The following RGL1 variants were observed in gnomAD, a reference collection of about 807,000 sequenced individuals.
RGL1 encodes ral guanine nucleotide dissociation stimulator-like 1.
Under a neutral mutation model 95.2 loss-of-function variants are expected in RGL1, and 24 were observed. The observed-to-expected ratio is 0.25, with a 90% CI of 0.18 to 0.35. The LOEUF is 0.35. Among genes scored for constraint, RGL1 ranks in the 10% least tolerant of loss-of-function variants. The probability of loss-of-function intolerance (pLI) is 1.00; values close to 1 mark genes in which losing one functional copy is unlikely to be tolerated. For missense variants in RGL1, 715 were observed against 936.3 expected (o/e 0.76, Z 3.08); for synonymous variants, 329 against 344.9 (o/e 0.95, Z 0.51).
At chr1:183,849,483 G>GTTTTTTTTTTTTTTTTTT (rs1418103960) in intron 3 of RGL1, among the ~76,000 whole-genome samples, 3 of 120,852 alleles carry the variant, frequency 2.5e-5, no homozygotes, top group Non-Finnish European at 3.2e-5. Context: ...CCAGTTTTTA[G>GTTTTTTTTTTTTTTTTTT]TTTTTTTTTT....
At chr1:183,686,566 T>G (rs1352227016) in intron 1 of RGL1, among the ~76,000 whole-genome samples, 1 of 152,228 alleles carries the variant, frequency 6.6e-6, no homozygotes, top group Non-Finnish European at 1.5e-5. Flanking sequence ...CACTCTGTAG[T>G]GCTATACAGA....
chr1:183,871,522 A>G (rs1666182582), intron 4 of RGL1, among the ~76,000 whole-genome samples: 1 of 152,228 alleles, frequency 6.6e-6, no homozygotes, highest in Admixed American at 6.5e-5. Flanking sequence ...GGATTTAACC[A>G]TGAACAGAAA....
chr1:183,757,026 T>G (rs1265317727), intron 2 of RGL1, among the ~76,000 whole-genome samples: 1 of 151,888 alleles, frequency 6.6e-6, no homozygotes, highest in African/African-American at 2.4e-5. Flanking sequence ...TGTTTGTTTT[T>G]TTTTTTTTGT....
chr1:183,688,761 G>A (rs1392375323), intron 1 of RGL1, among the ~76,000 whole-genome samples: 1 of 152,042 alleles, frequency 6.6e-6, no homozygotes, highest in Non-Finnish European at 1.5e-5. Flanking sequence ...TAAGTATTCT[G>A]GAGAAAAGTC....
At chr1:183,813,087 G>A (rs1661833311) in intron 2 of RGL1, among the ~76,000 whole-genome samples, 1 of 152,182 alleles carries the variant, frequency 6.6e-6, no homozygotes, top group East Asian at 1.9e-4. Flanking sequence ...TGGAGCATGG[G>A]GACCCAGGAG....
At chr1:183,758,147 T>C (rs1658454077) in intron 2 of RGL1, among the ~76,000 whole-genome samples, 1 of 152,188 alleles carries the variant, frequency 6.6e-6, no homozygotes, top group Non-Finnish European at 1.5e-5. Context: ...TCTTAGCCAG[T>C]TGGACTGCCA....
intron 1 of RGL1, among the ~76,000 whole-genome samples, chr1:183,703,451 T>C (rs1006590156): frequency 1.8e-4 from 28 of 152,330 alleles, no homozygotes; most frequent in Admixed American, 3.3e-4. Flanking sequence ...TGAAGATTAC[T>C]GTCCCTACCA....
chr1:183,739,368 G>A (rs1335186139), intron 1 of RGL1, among the ~76,000 whole-genome samples: 1 of 152,220 alleles, frequency 6.6e-6, no homozygotes, highest in African/African-American at 2.4e-5. Flanking sequence ...CGGGAGAGTA[G>A]GATGGAGCTG....
chr1:183,845,085 A>G (rs937892950), intron 2 of RGL1, among the ~76,000 whole-genome samples: 1 of 152,220 alleles, frequency 6.6e-6, no homozygotes, highest in Admixed American at 6.5e-5. Flanking sequence ...AGTAAGCACA[A>G]TATCATCATT....
chr1:183,822,606 G>A (rs909741548), intron 2 of RGL1, among the ~76,000 whole-genome samples: 2 of 152,162 alleles, frequency 1.3e-5, no homozygotes, highest in African/African-American at 2.4e-5. Context: ...CTTTGTAGAC[G>A]AAAAGTACTA....
intron 1 of RGL1, among the ~76,000 whole-genome samples, chr1:183,649,905 G>A (rs184847120): frequency 1.8e-3 from 273 of 152,150 alleles, no homozygotes; most frequent in African/African-American, 6.0e-3. Flanking sequence ...CCAACCTTCC[G>A]GGCTCAAGTG....
chr1:183,690,563 T>C (rs1038573253), intron 1 of RGL1, among the ~76,000 whole-genome samples: 34 of 152,130 alleles, frequency 2.2e-4, no homozygotes, highest in African/African-American at 8.2e-4. Context: ...TAGCTGATTG[T>C]CAAAAGAGAT....
At chr1:183,826,835 C>G (rs1662897451) in intron 2 of RGL1, among the ~76,000 whole-genome samples, 1 of 152,322 alleles carries the variant, frequency 6.6e-6, no homozygotes, top group Admixed American at 6.5e-5. Context: ...AAGGGTCCCT[C>G]CTTGGGAAAA....
chr1:183,818,926 T>C (rs79642090), intron 2 of RGL1, among the ~76,000 whole-genome samples: 2,981 of 152,286 alleles, frequency 0.02, 94 homozygotes, highest in African/African-American at 0.067. Flanking sequence ...TCATCATTAC[T>C]TGACCTACAC....
intron 2 of RGL1, among the ~76,000 whole-genome samples, chr1:183,762,602 C>G (rs1259871561): frequency 3.3e-5 from 5 of 152,108 alleles, no homozygotes. Flanking sequence ...TGCCACAAAC[C>G]TTCAATTTAT....
chr1:183,648,644 T>A (rs2101992295), intron 1 of RGL1: 1 of 1,614,230 alleles, frequency 6.2e-7, no homozygotes, highest in Non-Finnish European at 8.5e-7. Context: ...GACAAAATTC[T>A]GTGAGGGAAA....
intron 1 of RGL1, among the ~76,000 whole-genome samples, chr1:183,695,247 A>G (rs867067873): frequency 2.0e-5 from 3 of 152,174 alleles, no homozygotes; most frequent in South Asian, 2.1e-4. Flanking sequence ...TCCACCTTCT[A>G]TTATTTTAGA....
chr1:183,916,890 A>G (rs1572602270), intron 16 of RGL1, among the ~76,000 whole-genome samples, 189 bp downstream of exon 16: 1 of 152,334 alleles, frequency 6.6e-6, no homozygotes, highest in South Asian at 2.1e-4. Flanking sequence ...ATATATGTAT[A>G]TAAAATATAT....
chr1:183,758,486 C>A (rs368370676), intron 2 of RGL1, among the ~76,000 whole-genome samples: 1 of 152,140 alleles, frequency 6.6e-6, no homozygotes, highest in African/African-American at 2.4e-5. Flanking sequence ...CATGAGCCAC[C>A]GTGCCCAGCC....
Sources: gnomAD v4.1 joint callset for allele counts (sites outside exome capture counted in the v4.1 genomes callset) on GRCh38, gnomAD v4.1.1 for gene constraint, MANE v1.5 for transcripts, NCBI Gene and HGNC (gene_info 2026-07-23, HGNC 2026-07-21) for gene names.